Variants in GAPVD1 observed in about 807,000 individuals in gnomAD.
The protein encoded by GAPVD1 is GTPase activating protein and VPS9 domains 1, also known as GTPase-activating protein and VPS9 domain-containing protein 1.
In GAPVD1, 35 loss-of-function variants were observed where a neutral mutation model predicts 155.5. The ratio of observed to expected loss-of-function variants is 0.23; its 90% confidence interval spans 0.17 to 0.30. The LOEUF (loss-of-function observed/expected upper bound fraction) is 0.30. Ranked by LOEUF, GAPVD1 falls within the 10% of genes least tolerant of loss-of-function variation. GAPVD1 has a pLI of 1.00. For synonymous variants in GAPVD1, 636 were observed against 619.7 expected, an observed-to-expected ratio of 1.03 and a Z score of -0.39; for missense variants, 1,429 against 1,775.7, an observed-to-expected ratio of 0.80 and a Z score of 3.51.
Position 125,363,433 on chromosome 9 carries a change from A to C in GAPVD1, c.*687A>C, listed in dbSNP as rs949271919. ...TACACAGAAATATTTATTAAAATGT[A>C]ATACAGTTTATTGAACTTTCTAGGT... On this transcript the variant is annotated 3_prime_UTR_variant, in exon 28 of 28. Transcript: ENST00000297933. 2 of 152,236 alleles carry C rather than the reference A, an allele frequency of 1.3e-5. No individual in the cohort carries two copies. Among genetic ancestry groups the C allele is most frequent in the African/African-American group, 4.8e-5 (2 of 41,462 alleles). The allele number at this position is 152,236 out of a possible 1,614,324, so 9.4% of individuals were successfully genotyped here. A position where few individuals can be genotyped will look rare whatever the true frequency, so the allele number is the denominator to read the frequency against.
chr9:125,278,411 C>T (rs1245254928), intron 2 of GAPVD1, among the ~76,000 whole-genome samples: 2 of 152,114 alleles, frequency 1.3e-5, no homozygotes, highest in African/African-American at 4.8e-5. Context: ...ATCCCAGGTA[C>T]TCGGGAGGCT....
chr9:125,311,918 C>T (rs1842737430), intron 8 of GAPVD1, among the ~76,000 whole-genome samples: 1 of 151,982 alleles, frequency 6.6e-6, no homozygotes, highest in African/African-American at 2.4e-5. Flanking sequence ...TGGGGTTTCA[C>T]CGTGTTGCCC....
rs775100886 is a variant in GAPVD1 at position 125,305,107 on chromosome 9, G to A, written c.1074G>A (p.Glu358=). 2.5e-6 allele frequency: 4 copies of A among 1,613,938 alleles called. No homozygotes were observed. The highest frequency in any genetic ancestry group is 3.4e-6 in the Non-Finnish European group (4 of 1,179,856). The change falls in exon 6 of 28, where the codon GAG becomes GAA. Residue 358 remains glutamate (E), a synonymous_variant. Coordinates refer to ENST00000297933, the MANE Select transcript of GAPVD1 (RefSeq NM_001282680.3). ...LQQLAMTGSE[E]GDPRTKSSLG... ...AGTTAGCAATGACTGGCTCTGAAGA[G>A]GGAGATCCCCGAACAAAGAGCAGCC... is the stretch of plus-strand genomic sequence containing the variant.
chr9:125,277,783 C>T (rs1836031351), intron 2 of GAPVD1, among the ~76,000 whole-genome samples: 1 of 151,538 alleles, frequency 6.6e-6, no homozygotes, highest in Non-Finnish European at 1.5e-5. Context: ...AGTCCTCCTA[C>T]CTCAGCCTCC....
chr9:125,293,872 A>ATTT lies in GAPVD1; in HGVS notation c.-149-1585_-149-1584insTTT, dbSNP rs1564311669. Among the ~76,000 whole-genome samples, 7 of 14,620 alleles carry ATTT rather than the reference A, an allele frequency of 4.8e-4. 1 individual carries two copies. The highest frequency in any genetic ancestry group is 2.1e-3 in the African/African-American group (6 of 2,816). 9.6% of individuals were successfully genotyped at this position (14,620 alleles called of 152,430 possible). ...ATATTTTATATATATATATATATAT[A>ATTT]TATATATATATATATATATATATAT... On this transcript the variant is annotated intron_variant, in intron 2 of 27. Coordinates refer to ENST00000297933, the MANE Select transcript of GAPVD1 (RefSeq NM_001282680.3).
chr9:125,293,855 TATATATATATATATATATATATATATA>T (rs1839195521), intron 2 of GAPVD1, among the ~76,000 whole-genome samples: 1 of 4,228 alleles, frequency 2.4e-4, no homozygotes, highest in South Asian at 6.4e-3. Flanking sequence ...ATATATTTTA[TATATATATATATATATATATATATATA>T]TATATATATA....
rs571704288 is a variant in GAPVD1, at chr9:125,297,508, T to C, written c.-32-1382T>C. Among the ~76,000 whole-genome samples the C allele has an allele frequency of 4.6e-5, 7 of 152,288 alleles. No homozygotes were observed. The East Asian group carries it at 1.3e-3, about 29-fold the overall frequency. Reference sequence around the variant, plus strand: ...ATGGAATGAAGATACTGGATAACCTTCCAGACAGAGAGGTCAGCAAATGTG... The same window carrying C: ...ATGGAATGAAGATACTGGATAACCTCCCAGACAGAGAGGTCAGCAAATGTG... On this transcript the variant is annotated intron_variant, in intron 3 of 27. Coordinates refer to ENST00000297933, the MANE Select transcript of GAPVD1 (RefSeq NM_001282680.3).
chr9:125,268,466 G>T (rs1223207044), intron 1 of GAPVD1, among the ~76,000 whole-genome samples: 3 of 133,372 alleles, frequency 2.2e-5, no homozygotes, highest in Admixed American at 7.6e-5. Context: ...AGTTTCATTA[G>T]TTTATTTGGA....
chr9:125,286,580 C>G (rs1017514741), intron 2 of GAPVD1, among the ~76,000 whole-genome samples: 5 of 151,720 alleles, frequency 3.3e-5, no homozygotes, highest in African/African-American at 1.2e-4. Flanking sequence ...TTTAAAAATT[C>G]TTTGATTTTA....
rs1020064537 is a variant in GAPVD1, at chr9:125,274,264, G to A, written c.-150+5280G>A. 2.6e-5 allele frequency among the ~76,000 whole-genome samples: 4 copies of A among 151,796 alleles called. No individual in the cohort carries two copies. The South Asian group carries it at 8.3e-4, about 32-fold the overall frequency. On this transcript the variant is annotated intron_variant, in intron 2 of 27. Transcript: ENST00000297933. ...AACTCCTGACCTAAAGTGATCTGCCGGCCTCGGCCTCTCAAAGTGTTGGGA... is the reference window on the plus strand; with the variant it reads ...AACTCCTGACCTAAAGTGATCTGCCAGCCTCGGCCTCTCAAAGTGTTGGGA...
At chr9:125,314,302 G>T (rs1406270591) in intron 9 of GAPVD1, among the ~76,000 whole-genome samples, 2 of 152,124 alleles carry the variant, frequency 1.3e-5, no homozygotes, top group Non-Finnish European at 2.9e-5. Context: ...TTAAGAAATG[G>T]AGTTTGAGGC....
intron 4 of GAPVD1, among the ~76,000 whole-genome samples, chr9:125,299,668 A>G (rs113878416): frequency 0.011 from 1,722 of 150,932 alleles, 23 homozygotes; most frequent in African/African-American, 0.038. Context: ...AAAAGAAAAA[A>G]AAAATGTTGT....
chr9:125,267,239 G>A (rs1031620912), intron 1 of GAPVD1, among the ~76,000 whole-genome samples: 2 of 152,032 alleles, frequency 1.3e-5, no homozygotes, highest in South Asian at 2.1e-4. Context: ...AATCCGAGAC[G>A]GTCAGATTAC....
intron 9 of GAPVD1, among the ~76,000 whole-genome samples, chr9:125,318,726 G>A (rs1476386452): frequency 6.6e-6 from 1 of 152,008 alleles, no homozygotes; most frequent in Non-Finnish European, 1.5e-5. Flanking sequence ...AGACCAGCCT[G>A]GGCAACATAG....
intron 15 of GAPVD1, among the ~76,000 whole-genome samples, chr9:125,334,540 A>G (rs1280708446): frequency 2.0e-5 from 3 of 152,112 alleles, no homozygotes; most frequent in African/African-American, 7.2e-5. Context: ...TTTTACTTGG[A>G]AGAATGACAG....
At position 125,337,609 on chromosome 9, in the gene GAPVD1, T is replaced by C; in HGVS notation, c.2877+18T>C. ...GAGGAGAGGTATGGGACATAGGCCG[T>C]GAAAAAGAATTATGTTCTGCCTGCC... On this transcript the variant is annotated intron_variant, in intron 17 of 27. Coordinates refer to ENST00000297933, the MANE Select transcript of GAPVD1 (RefSeq NM_001282680.3). The C allele has an allele frequency of 6.3e-7, 1 of 1,590,432 alleles. No homozygotes were observed. Among genetic ancestry groups the C allele is most frequent in the South Asian group, 1.1e-5 (1 of 88,722 alleles).
intron 15 of GAPVD1, among the ~76,000 whole-genome samples, chr9:125,336,343 G>A (rs2131959345): frequency 6.7e-6 from 1 of 149,636 alleles, no homozygotes; most frequent in South Asian, 2.1e-4. Flanking sequence ...AAAACATTTA[G>A]ATTAATAATT....
At chr9:125,321,384 A>G in intron 9 of GAPVD1, 49 bp from the exon 10 acceptor site, 2 of 1,405,588 alleles carry the variant, frequency 1.4e-6, no homozygotes, top group Non-Finnish European at 1.0e-6. Flanking sequence ...TTGTTTCCTT[A>G]TCAGTAATCT....
intron 15 of GAPVD1, chr9:125,335,401 G>A (rs1422502207): frequency 9.3e-6 from 4 of 431,200 alleles, no homozygotes; most frequent in African/African-American, 4.2e-5. Flanking sequence ...AATGGGGCTG[G>A]GCGCGGTGGC....
Sources: gnomAD v4.1 joint callset for allele counts (sites outside exome capture counted in the v4.1 genomes callset) on GRCh38, gnomAD v4.1.1 for gene constraint, MANE v1.5 for transcripts, NCBI Gene and HGNC (gene_info 2026-07-23, HGNC 2026-07-21) for gene names.